MTHFD1L: variants seen among roughly 807,000 people sequenced by gnomAD.
MTHFD1L encodes the protein monofunctional C1-tetrahydrofolate synthase, mitochondrial.
Under a neutral mutation model 119.5 loss-of-function variants are expected in MTHFD1L, and 81 were observed. The observed-to-expected ratio is 0.68, with a 90% confidence interval of 0.57 to 0.82. The LOEUF is 0.82. Ranked by LOEUF, MTHFD1L falls within the 40% of genes least tolerant of loss-of-function variation. The probability of loss-of-function intolerance (pLI) is 0.00; values close to 1 mark genes in which losing one functional copy is unlikely to be tolerated. For synonymous variants in MTHFD1L, 430 were observed against 475.2 expected, an observed-to-expected ratio of 0.90 and a Z score of 1.24; for missense variants, 1,125 against 1,253.4, an observed-to-expected ratio of 0.90 and a Z score of 1.55.
At chr6:151,031,652 G>T (rs909343336) in intron 24 of MTHFD1L, among the ~76,000 whole-genome samples, 1 of 152,064 alleles carries the variant, frequency 6.6e-6, no homozygotes, top group Non-Finnish European at 1.5e-5. Context: ...CTTATTTTTT[G>T]ACCTTATTTA....
At chr6:151,020,985 AG>A (rs1333363169) in intron 24 of MTHFD1L, among the ~76,000 whole-genome samples, 5 of 152,188 alleles carry the variant, frequency 3.3e-5, no homozygotes, top group Non-Finnish European at 7.3e-5. Context: ...ATAGATGGGA[AG>A]GTGATGGACT....
intron 14 of MTHFD1L, 54 bp downstream of exon 14, chr6:150,944,647 A>C: frequency 7.6e-7 from 1 of 1,317,434 alleles, no homozygotes; most frequent in Admixed American, 1.8e-5. Context: ...GAATTCCTGG[A>C]TTCTTAAGGA....
intron 11 of MTHFD1L, among the ~76,000 whole-genome samples, chr6:150,936,465 A>T (rs1283568974): frequency 6.6e-6 from 1 of 152,234 alleles, no homozygotes; most frequent in Non-Finnish European, 1.5e-5. Flanking sequence ...AGGAAGAACA[A>T]CTGCTATATA....
chr6:151,016,646 T>C (rs1473757445), intron 24 of MTHFD1L: 2 of 168,386 alleles, frequency 1.2e-5, no homozygotes, highest in African/African-American at 4.8e-5. Flanking sequence ...CTGTTATGGT[T>C]CTTTTCTCTT....
At chr6:151,094,461 C>T (rs1057497597) in intron 27 of MTHFD1L, among the ~76,000 whole-genome samples, 3 of 152,222 alleles carry the variant, frequency 2.0e-5, no homozygotes, top group Admixed American at 2.0e-4. Flanking sequence ...CTCCCGGGTT[C>T]AAGCAATTCT....
intron 26 of MTHFD1L, among the ~76,000 whole-genome samples, chr6:151,056,567 A>G (rs1317880397): frequency 6.6e-6 from 1 of 152,126 alleles, no homozygotes; most frequent in African/African-American, 2.4e-5. Flanking sequence ...CTGTGCATTT[A>G]TATTGTGTGG....
chr6:151,025,440 C>G (rs975586952), intron 24 of MTHFD1L, among the ~76,000 whole-genome samples: 1 of 152,240 alleles, frequency 6.6e-6, no homozygotes, highest in Non-Finnish European at 1.5e-5. Flanking sequence ...TTAATATCGA[C>G]AGCTTCATGT....
At chr6:150,882,930 C>A (rs747775778) in intron 5 of MTHFD1L, 44 bp downstream of exon 5, 1 of 1,505,220 alleles carries the variant, frequency 6.6e-7, no homozygotes, top group South Asian at 1.3e-5. Context: ...GGCTAAATCA[C>A]TTTTTCTATT....
chr6:150,886,872 T>C (rs35186234), intron 6 of MTHFD1L, among the ~76,000 whole-genome samples: 16,842 of 151,374 alleles, frequency 0.11, 1,073 homozygotes, highest in Non-Finnish European at 0.15. Context: ...GACTTGTGCC[T>C]GTAGTCCCGG....
intron 13 of MTHFD1L, among the ~76,000 whole-genome samples, chr6:150,940,264 T>C (rs1475442162): frequency 1.3e-5 from 2 of 152,000 alleles, no homozygotes; most frequent in African/African-American, 4.8e-5. Flanking sequence ...GGAATAGAAG[T>C]GTTTACCCAT....
intron 26 of MTHFD1L, among the ~76,000 whole-genome samples, chr6:151,068,287 C>A (rs1306425166): frequency 3.9e-5 from 6 of 152,248 alleles, no homozygotes; most frequent in Non-Finnish European, 7.3e-5. Flanking sequence ...TGTGATTTTG[C>A]GGGCCTGAAG....
intron 26 of MTHFD1L, among the ~76,000 whole-genome samples, chr6:151,066,343 A>G (rs1360024474): frequency 4.1e-5 from 6 of 145,242 alleles, no homozygotes. Context: ...AGGCTGAGGC[A>G]GGGGAATGGT....
chr6:150,965,113 T>C, intron 19 of MTHFD1L, 76 bp downstream of exon 19: 12 of 1,332,866 alleles, frequency 9.0e-6, no homozygotes, highest in Non-Finnish European at 1.3e-5. Flanking sequence ...TTAGCCAATA[T>C]GAGGCAGGCA....
intron 13 of MTHFD1L, among the ~76,000 whole-genome samples, chr6:150,942,158 C>T (rs1793237402): frequency 1.3e-5 from 2 of 152,054 alleles, no homozygotes; most frequent in South Asian, 2.1e-4. Context: ...CCTTGGGAGG[C>T]GGAGGCAGGA....
At chr6:151,023,638 A>G (rs1043077720) in intron 24 of MTHFD1L, among the ~76,000 whole-genome samples, 2 of 152,146 alleles carry the variant, frequency 1.3e-5, no homozygotes, top group Admixed American at 1.3e-4. Context: ...AATAGCACCC[A>G]ATGAGAAAAA....
chr6:150,954,579 C>T (rs575798257), intron 16 of MTHFD1L, among the ~76,000 whole-genome samples: 42 of 152,122 alleles, frequency 2.8e-4, no homozygotes, highest in Admixed American at 2.0e-4. Flanking sequence ...ATCCCAGCTA[C>T]TTGGGAGGCT....
intron 20 of MTHFD1L, among the ~76,000 whole-genome samples, chr6:150,999,428 G>C (rs1000316864): frequency 3.9e-5 from 6 of 152,124 alleles, no homozygotes; most frequent in Non-Finnish European, 5.9e-5. Flanking sequence ...CAAAATCCCA[G>C]GCCTCTAACC....
chr6:150,890,931 G>A (rs1006815452), intron 7 of MTHFD1L, among the ~76,000 whole-genome samples: 3 of 152,198 alleles, frequency 2.0e-5, no homozygotes, highest in African/African-American at 4.8e-5. Flanking sequence ...TATACAAGCA[G>A]TGAAAATTAA....
At chr6:150,956,338 G>T (rs776578896) in intron 17 of MTHFD1L, among the ~76,000 whole-genome samples, 34 of 152,206 alleles carry the variant, frequency 2.2e-4, no homozygotes, top group Non-Finnish European at 4.7e-4. Context: ...GCCACTCAGG[G>T]TATTCTTTGA....
Sources: allele counts gnomAD v4.1 joint callset (sites outside exome capture counted in the v4.1 genomes callset), GRCh38; gene constraint gnomAD v4.1.1; transcripts MANE v1.5; gene names NCBI Gene and HGNC (gene_info 2026-07-23, HGNC 2026-07-21).